The following DLG5 variants were observed in gnomAD, a reference collection of about 807,000 sequenced individuals.
DLG5 encodes the protein disks large homolog 5.
DLG5 carries 48 observed loss-of-function variants against 189.8 expected under a neutral mutation model. The ratio of observed to expected loss-of-function variants is 0.25; its 90% CI spans 0.20 to 0.32. The LOEUF is 0.32. DLG5 is among the 10% of genes least tolerant of loss of function. The pLI, the probability that DLG5 is intolerant of heterozygous loss-of-function variation, is 1.00. For missense variants in DLG5, 2,160 were observed against 2,544.7 expected (o/e 0.85, Z 3.25); for synonymous variants, 1,016 against 1,054.1 (o/e 0.96, Z 0.70).
At chr10:77,826,368 C>G (rs1193700743) in intron 13 of DLG5, among the ~76,000 whole-genome samples, 1 of 151,978 alleles carries the variant, frequency 6.6e-6, no homozygotes, top group Non-Finnish European at 1.5e-5. Flanking sequence ...GTGGCTCACA[C>G]CTGTAATCCT....
Position 77,821,831 on chromosome 10 carries a change from G to T in DLG5, c.2653C>A (p.Pro885Thr). Reference sequence around the variant, plus strand: ...CTCAGGCTACGCTCAGAGGCACTGGGACAGGCCTGGGGGCAGACCTGCAAG... The same window carrying T: ...CTCAGGCTACGCTCAGAGGCACTGGTACAGGCCTGGGGGCAGACCTGCAAG... Reference protein sequence around the residue: ...GPLQVCPQACPSASERSLSSF... With the variant: ...GPLQVCPQACTSASERSLSSF... Residue 885 changes from proline (P) to threonine (T), a missense_variant, in exon 15 of 32, where the codon CCC (proline) becomes ACC (threonine). This residue lies in a region of DLG5 where 754 missense variants were observed against 746.5 expected (regional missense o/e 1.01). Coordinates refer to ENST00000372391, the MANE Select transcript of DLG5 (RefSeq NM_004747.4). The T allele has an allele frequency of 6.2e-7, 1 of 1,613,720 alleles. No homozygotes were observed. The highest frequency in any genetic ancestry group is 8.5e-7 in the Non-Finnish European group (1 of 1,179,812).
chr10:77,857,863 C>T (rs764757688), intron 2 of DLG5, among the ~76,000 whole-genome samples: 7 of 152,188 alleles, frequency 4.6e-5, no homozygotes, highest in Non-Finnish European at 8.8e-5. Flanking sequence ...CAGGCTGACT[C>T]GTGTCAGGGG....
intron 1 of DLG5, among the ~76,000 whole-genome samples, chr10:77,880,016 G>C (rs1248460911): frequency 6.6e-6 from 1 of 152,128 alleles, no homozygotes; most frequent in Non-Finnish European, 1.5e-5. Context: ...AATCACCCAA[G>C]GAAGGAGTAC....
In DLG5 at chr10:77,811,078, A is replaced by G. The variant is rs1841743676; in HGVS notation, c.4463+16T>C. On this transcript the variant is annotated intron_variant, in intron 23 of 31. Transcript: ENST00000372391. ...CGAAGCGGACACAGGGAAGGCTCAC[A>G]GCAACGTCTGCTGACCTGGAGCTGC... 6.8e-6 allele frequency: 11 copies of G among 1,609,134 alleles called. No homozygotes were observed. Among genetic ancestry groups the G allele is most frequent in the Non-Finnish European group, 9.3e-6 (11 of 1,179,234 alleles).
rs369238990 is a variant in DLG5, at chr10:77,843,532, G to A, written c.1039C>T (p.Arg347Trp). ...RLEQLGEENQ[R>W]LLKQTEMLTQ... ...AGCATCTCTGTCTGCTTCAGCAACCGCTGGTTCTCCTCCCCCAGCTGCTCC... is the reference window on the plus strand; with the variant it reads ...AGCATCTCTGTCTGCTTCAGCAACCACTGGTTCTCCTCCCCCAGCTGCTCC... Residue 347 changes from arginine (R) to tryptophan (W), a missense_variant, in exon 6 of 32, where the codon CGG (arginine) becomes TGG (tryptophan). By Grantham distance (101) the Arg-to-Trp change is moderately radical. Transcript: ENST00000372391. 15 of 1,614,012 alleles carry A rather than the reference G, an allele frequency of 9.3e-6. No homozygotes were observed. The highest frequency in any genetic ancestry group is 1.6e-4 in the Middle Eastern group (1 of 6,084).
chr10:77,792,033 G>A lies in DLG5; in HGVS notation c.*407C>T. On this transcript the variant is annotated 3_prime_UTR_variant, in exon 32 of 32. Coordinates refer to ENST00000372391, the MANE Select transcript of DLG5 (RefSeq NM_004747.4). ...ACGAAACCAACACCAAAGCGACAGG[G>A]GGTTGACAGAGGGGACAGGGGCTGG... The A allele has an allele frequency of 5.4e-6, 1 of 184,328 alleles. No individual in the cohort carries two copies. Among genetic ancestry groups the A allele is most frequent in the East Asian group, 1.5e-4 (1 of 6,538 alleles). 11.4% of individuals were successfully genotyped at this position (184,328 alleles called of 1,614,324 possible).
At chr10:77,843,194 C>A (rs184809393) in intron 6 of DLG5, among the ~76,000 whole-genome samples, 1 of 152,156 alleles carries the variant, frequency 6.6e-6, no homozygotes, top group East Asian at 1.9e-4. Context: ...GATTTCTACA[C>A]GCTCAGAAAG....
chr10:77,830,944 CCTCACGA>C, intron 9 of DLG5, 71 bp from the exon 10 acceptor site: 2 of 1,556,208 alleles, frequency 1.3e-6, no homozygotes, highest in Non-Finnish European at 1.7e-6. Flanking sequence ...CGGCTCTGAA[CCTCACGA>C]GGCAGGCCAT....
At chr10:77,937,874 A>ATTTTT in the DLG5 span, among the ~76,000 whole-genome samples, 3 of 104,106 alleles carry the variant, frequency 2.9e-5, no homozygotes, top group Admixed American at 1.1e-4. Context: ...CACTCAGCTA[A>ATTTTT]TTTTTTTTTT....
chr10:77,858,061 G>A (rs1844320286), intron 2 of DLG5, among the ~76,000 whole-genome samples: 1 of 152,178 alleles, frequency 6.6e-6, no homozygotes. Context: ...GAAGGGCCAG[G>A]GAGGATAGGG....
chr10:77,807,850 C>A lies in DLG5; in HGVS notation c.4742G>T (p.Arg1581Leu), dbSNP rs953419715. The A allele has an allele frequency of 1.2e-6, 2 of 1,614,098 alleles. No individual in the cohort carries two copies. The highest frequency in any genetic ancestry group is 1.7e-6 in the Non-Finnish European group (2 of 1,180,042). ...CTTGGCCTTCGTGAACTCCTCAGGG[C>A]GGTACTGCACCTTCAGGCGGACGCC... ...RDGVRLKVQYRPEEFTKAKGL... is the reference protein window; with the variant it reads ...RDGVRLKVQYLPEEFTKAKGL... Residue 1581 changes from arginine to leucine, a missense_variant, in exon 25 of 32, where the codon CGC becomes CTC. Physicochemically the swap from Arg to Leu is moderately radical, Grantham distance 102 (BLOSUM62 -2). Transcript: ENST00000372391.
Position 77,820,032 on chromosome 10 carries a change from G to C in DLG5, c.3403-14C>G. 3 of 1,612,530 alleles carry C rather than the reference G, an allele frequency of 1.9e-6. No individual in the cohort carries two copies. The highest frequency in any genetic ancestry group is 1.1e-5 in the South Asian group (1 of 91,068). The stretch of plus-strand genomic sequence containing the variant: ...ACACTTCTGTTCCTGCAGATGCAAG[G>C]GCAAGAGTGTCTGCTAGAAAGAGTG... On this transcript the variant is annotated splice_polypyrimidine_tract_variant and intron_variant, in intron 15 of 31. Coordinates refer to ENST00000372391, the MANE Select transcript of DLG5 (RefSeq NM_004747.4).
chr10:77,824,571 G>T, intron 13 of DLG5, 95 bp from the exon 14 acceptor site: 1 of 961,284 alleles, frequency 1.0e-6, no homozygotes, highest in Non-Finnish European at 1.6e-6. Flanking sequence ...GTGCTAGACA[G>T]TCACCAAATG....
chr10:77,860,265 C>T (rs1409909861), intron 2 of DLG5, among the ~76,000 whole-genome samples: 1 of 152,194 alleles, frequency 6.6e-6, no homozygotes, highest in African/African-American at 2.4e-5. Flanking sequence ...CAGTAGCACA[C>T]AATGCAAGCC....
intron 2 of DLG5, among the ~76,000 whole-genome samples, chr10:77,860,391 G>C (rs1844427168): frequency 6.6e-6 from 1 of 152,206 alleles, no homozygotes; most frequent in African/African-American, 2.4e-5. Context: ...TCCACCTCCT[G>C]GGTTCAAGCG....
intron 1 of DLG5, among the ~76,000 whole-genome samples, chr10:77,879,112 A>C (rs908066734): frequency 2.6e-5 from 4 of 152,182 alleles, no homozygotes; most frequent in African/African-American, 9.7e-5. Context: ...ATGAAGAAAA[A>C]TGTTGCAGAG....
At chr10:77,930,659 T>C (rs1846778349), upstream of DLG5, among the ~76,000 whole-genome samples, 1 of 151,036 alleles carries the variant, frequency 6.6e-6, no homozygotes, top group South Asian at 2.1e-4. Context: ...TATTTATTTA[T>C]TTTATTCATT....
At chr10:77,904,722 C>A (rs1379009194) in intron 1 of DLG5, among the ~76,000 whole-genome samples, 1 of 151,826 alleles carries the variant, frequency 6.6e-6, no homozygotes, top group Admixed American at 6.6e-5. Flanking sequence ...TGAGACCTCC[C>A]AGCCATGTGG....
intron 1 of DLG5, among the ~76,000 whole-genome samples, chr10:77,906,190 C>T (rs1328593547): frequency 2.6e-5 from 4 of 152,212 alleles, no homozygotes; most frequent in African/African-American, 9.6e-5. Flanking sequence ...CAGGGCTTTG[C>T]TGGTACCCTG....
Sources: gnomAD v4.1 joint callset for allele counts (sites outside exome capture counted in the v4.1 genomes callset) on GRCh38, gnomAD v4.1.1 for gene constraint, gnomAD v4.1.1 regional missense constraint, MANE v1.5 for transcripts, NCBI Gene and HGNC (gene_info 2026-07-23, HGNC 2026-07-21) for gene names.